Variants in DENND5A observed in about 807,000 individuals in gnomAD.
DENND5A encodes the protein DENN domain-containing protein 5A.
A neutral mutation model predicts 140.3 loss-of-function variants in DENND5A; 64 were observed. The ratio of observed to expected loss-of-function variants is 0.46; its 90% CI spans 0.37 to 0.56. The LOEUF (loss-of-function observed/expected upper bound fraction) is 0.56, where lower values mean the gene tolerates loss of function less well. DENND5A is among the 20% of genes least tolerant of loss of function. The pLI, the probability that DENND5A is intolerant of heterozygous loss-of-function variation, is 0.00. For missense variants in DENND5A, 1,292 were observed against 1,593.8 expected (o/e 0.81, Z 3.22); for synonymous variants, 605 against 607.7 (o/e 1.00, Z 0.07).
Position 9,142,123 on chromosome 11 carries a change from A to G in DENND5A, c.3512-15T>C. 1 of 1,562,014 alleles carries G rather than the reference A, an allele frequency of 6.4e-7. No homozygotes were observed. Among genetic ancestry groups the G allele is most frequent in the African/African-American group, 1.4e-5 (1 of 73,588 alleles). ...TTGTGCTTTTTCTGTGAAGAGTAGA[A>G]AAGCTTGCCAGTGAAAAGGCTCTCA... On this transcript the variant is annotated splice_polypyrimidine_tract_variant and intron_variant, in intron 21 of 22. Coordinates refer to ENST00000328194, the MANE Select transcript of DENND5A (RefSeq NM_015213.4).
chr11:9,165,636 G>A (rs984475535), intron 11 of DENND5A, among the ~76,000 whole-genome samples, 200 bp downstream of exon 11: 7 of 152,034 alleles, frequency 4.6e-5, no homozygotes, highest in Non-Finnish European at 7.4e-5. Context: ...ATCTCACTAC[G>A]TTCTCCAAGT....
intron 1 of DENND5A, among the ~76,000 whole-genome samples, chr11:9,209,819 T>A (rs1275870911): frequency 6.6e-6 from 1 of 152,026 alleles, no homozygotes; most frequent in African/African-American, 2.4e-5. Flanking sequence ...GAATAAACAG[T>A]AAGGGGCTGG....
At chr11:9,192,374 A>C (rs1012574172) in intron 5 of DENND5A, among the ~76,000 whole-genome samples, 1 of 152,214 alleles carries the variant, frequency 6.6e-6, no homozygotes, top group Non-Finnish European at 1.5e-5. Context: ...CACGCCTGTA[A>C]TCCCAGCACT....
intron 10 of DENND5A, among the ~76,000 whole-genome samples, chr11:9,168,569 G>T (rs1203184763): frequency 6.6e-6 from 1 of 151,978 alleles, no homozygotes; most frequent in East Asian, 1.9e-4. Context: ...TAATGAGGAG[G>T]TTAGGTGGAA....
chr11:9,222,529 A>C (rs898190613), intron 1 of DENND5A, among the ~76,000 whole-genome samples: 2 of 152,230 alleles, frequency 1.3e-5, no homozygotes, highest in Non-Finnish European at 2.9e-5. Flanking sequence ...GCTTAAGAGC[A>C]TTAGAAGAAA....
chr11:9,181,504 T>C (rs1022005597), intron 5 of DENND5A, among the ~76,000 whole-genome samples: 2 of 151,898 alleles, frequency 1.3e-5, no homozygotes, highest in African/African-American at 4.8e-5. Context: ...GAGGCTGAGA[T>C]GGGCGGATCA....
At chr11:9,227,365 T>C (rs1296072631) in intron 1 of DENND5A, among the ~76,000 whole-genome samples, 1 of 152,064 alleles carries the variant, frequency 6.6e-6, no homozygotes, top group East Asian at 1.9e-4. Context: ...CAACTATCTA[T>C]ACAACTCCAT....
At position 9,199,327 on chromosome 11, in the gene DENND5A, T is replaced by C. The variant is rs111409156; in HGVS notation, c.949+4333A>G. Among the ~76,000 whole-genome samples the C allele has an allele frequency of 9.0e-3, 1,372 of 152,036 alleles. 17 individuals are homozygous for C. Among genetic ancestry groups the C allele is most frequent in the African/African-American group, 0.032 (1,321 of 41,486 alleles). On this transcript the variant is annotated intron_variant, in intron 4 of 22. Coordinates refer to ENST00000328194, the MANE Select transcript of DENND5A (RefSeq NM_015213.4). Reference sequence around the variant, plus strand: ...GCCTGGGCAACATGGCAAAACCTCATCTCTACAAAAAATACAGAAACTAGC... The same window carrying C: ...GCCTGGGCAACATGGCAAAACCTCACCTCTACAAAAAATACAGAAACTAGC...
At chr11:9,166,024 A>G in intron 10 of DENND5A, 57 bp from the exon 11 acceptor site, 2 of 1,563,156 alleles carry the variant, frequency 1.3e-6, no homozygotes, top group East Asian at 2.2e-5. Context: ...ACCAAAGGTC[A>G]GCAGTACTGG....
chr11:9,234,637 T>C (rs924590327), intron 1 of DENND5A, among the ~76,000 whole-genome samples: 1 of 152,190 alleles, frequency 6.6e-6, no homozygotes, highest in Admixed American at 6.5e-5. Flanking sequence ...TTTACCAGAA[T>C]GAGGGCAAGG....
At chr11:9,153,831 C>T (rs11042199) in intron 12 of DENND5A, among the ~76,000 whole-genome samples, 35,847 of 152,192 alleles carry the variant, frequency 0.24, 4,661 homozygotes, top group African/African-American at 0.35. Context: ...AGATATGTAG[C>T]AATTTGTCAT....
At chr11:9,187,304 A>G (rs994542739) in intron 5 of DENND5A, among the ~76,000 whole-genome samples, 2 of 152,050 alleles carry the variant, frequency 1.3e-5, no homozygotes, top group African/African-American at 4.8e-5. Context: ...TTCTTACCTA[A>G]CAGCTTTGGG....
chr11:9,245,296 A>C (rs1372150374), intron 1 of DENND5A: 18 of 150,180 alleles, frequency 1.2e-4, no homozygotes, highest in Admixed American at 8.0e-4. Flanking sequence ...AAAAAAAAAA[A>C]ACACAAAAAA....
In DENND5A at chr11:9,241,860, C is replaced by G. The variant is rs765894597; in HGVS notation, c.109+23101G>C. On this transcript the variant is annotated intron_variant, in intron 1 of 22. Coordinates refer to ENST00000328194, the MANE Select transcript of DENND5A (RefSeq NM_015213.4). ...AGAAACCCCATCTCTACTAAAATTA[C>G]AAAATTAGCCGGGCATGGTGGCGCA... is the stretch of plus-strand genomic sequence containing the variant. 1.6e-4 allele frequency among the ~76,000 whole-genome samples: 25 copies of G among 152,034 alleles called. 1 individual carries two copies. Among genetic ancestry groups the G allele is most frequent in the Admixed American group, 3.3e-4 (5 of 15,244 alleles).
At chr11:9,220,788 G>A (rs1319705158) in intron 1 of DENND5A, among the ~76,000 whole-genome samples, 3 of 152,100 alleles carry the variant, frequency 2.0e-5, no homozygotes, top group African/African-American at 7.2e-5. Flanking sequence ...AGCTACTGGG[G>A]AGGCTGAGGT....
intron 5 of DENND5A, among the ~76,000 whole-genome samples, chr11:9,183,911 C>T (rs539912226): frequency 4.6e-5 from 7 of 152,022 alleles, no homozygotes; most frequent in African/African-American, 4.8e-5. Flanking sequence ...TGAGGCCGGG[C>T]GCCGTGGCTC....
At chr11:9,248,041 G>A (rs995455471) in intron 1 of DENND5A, among the ~76,000 whole-genome samples, 7 of 152,182 alleles carry the variant, frequency 4.6e-5, no homozygotes, top group African/African-American at 9.7e-5. Flanking sequence ...AGGCTAGAGT[G>A]CAGTGGCTTG....
chr11:9,205,640 C>T (rs912760993), intron 3 of DENND5A, among the ~76,000 whole-genome samples: 1 of 152,152 alleles, frequency 6.6e-6, no homozygotes, highest in African/African-American at 2.4e-5. Context: ...CGCCTATAGT[C>T]GCAGCACTTT....
intron 1 of DENND5A, among the ~76,000 whole-genome samples, chr11:9,237,006 A>G (rs1851030998): frequency 6.6e-6 from 1 of 152,256 alleles, no homozygotes; most frequent in Admixed American, 6.5e-5. Flanking sequence ...AGAAAAAAAG[A>G]TAAACACCAC....
Sources: gnomAD v4.1 joint callset for allele counts (sites outside exome capture counted in the v4.1 genomes callset) on GRCh38, gnomAD v4.1.1 for gene constraint, MANE v1.5 for transcripts, NCBI Gene and HGNC (gene_info 2026-07-23, HGNC 2026-07-21) for gene names.